Variants in MTA3 observed in about 807,000 individuals in gnomAD.
The protein encoded by MTA3 is metastasis associated 1 family member 3.
In MTA3, 34 loss-of-function variants were observed where a neutral mutation model predicts 83.5. That is an observed-to-expected ratio of 0.41 (90% CI 0.31 to 0.54). MTA3 has a LOEUF of 0.54. Among genes scored for constraint, MTA3 ranks in the 20% least tolerant of loss-of-function variants. The pLI is 0.33. For synonymous variants in MTA3, 303 were observed against 252.7 expected (o/e 1.20, Z -1.89); for missense variants, 761 against 726.4 (o/e 1.05, Z -0.55).
chr2:42,508,557 T>A (rs930225312), intron 2 of MTA3, among the ~76,000 whole-genome samples: 5 of 151,706 alleles, frequency 3.3e-5, no homozygotes, highest in African/African-American at 1.2e-4. Flanking sequence ...GGTCTCAAAC[T>A]CTTGGCCTCA....
At chr2:42,691,844 T>A (rs1692929102) in intron 9 of MTA3, among the ~76,000 whole-genome samples, 1 of 152,218 alleles carries the variant, frequency 6.6e-6, no homozygotes, top group South Asian at 2.1e-4. Context: ...CGTGCCACTC[T>A]CTCCTGGCCT....
intron 15 of MTA3, among the ~76,000 whole-genome samples, chr2:42,722,306 T>C (rs906398563): frequency 6.6e-6 from 1 of 152,220 alleles, no homozygotes; most frequent in Non-Finnish European, 1.5e-5. Context: ...TTTTGTGATA[T>C]ATCCTTGGAT....
chr2:42,605,690 T>C (rs1186133657), intron 3 of MTA3, among the ~76,000 whole-genome samples: 109 of 98,710 alleles, frequency 1.1e-3, no homozygotes, highest in East Asian at 3.2e-3. Context: ...CCCTCCCGGA[T>C]GGGGCGGCTG....
intron 3 of MTA3, among the ~76,000 whole-genome samples, chr2:42,609,227 C>T (rs1345647626): frequency 4.8e-4 from 73 of 151,894 alleles, no homozygotes; most frequent in Admixed American, 4.5e-3. Flanking sequence ...GATGGGGTTT[C>T]GCCATGTTGG....
chr2:42,524,526 A>C (rs532965364), intron 2 of MTA3, among the ~76,000 whole-genome samples: 8 of 124,688 alleles, frequency 6.4e-5, no homozygotes, highest in African/African-American at 2.2e-4. Flanking sequence ...GGGTTTCACC[A>C]TGTTAGCCAG....
intron 2 of MTA3, among the ~76,000 whole-genome samples, chr2:42,529,984 G>A (rs1675881476): frequency 6.6e-6 from 1 of 151,840 alleles, no homozygotes; most frequent in South Asian, 2.1e-4. Context: ...TCAGGAGTTC[G>A]AGACCAGCCT....
At chr2:42,689,402 C>T (rs1414699051) in intron 9 of MTA3, among the ~76,000 whole-genome samples, 2 of 152,136 alleles carry the variant, frequency 1.3e-5, no homozygotes, top group African/African-American at 4.8e-5. Context: ...TTATTTCAGG[C>T]TAATGATGGC....
chr2:42,680,400 A>C (rs544892120), intron 8 of MTA3: 1 of 152,206 alleles, frequency 6.6e-6, no homozygotes, highest in Non-Finnish European at 1.5e-5. Flanking sequence ...AATTTTTAAG[A>C]GTTCTATTGT....
intron 8 of MTA3, among the ~76,000 whole-genome samples, chr2:42,662,930 C>T (rs1322968316): frequency 6.6e-6 from 1 of 152,054 alleles, no homozygotes; most frequent in African/African-American, 2.4e-5. Context: ...CGGGTTTCAC[C>T]GTGTTGGTCA....
chr2:42,708,771 T>A, intron 13 of MTA3, 103 bp from the exon 14 acceptor site: 1 of 1,209,576 alleles, frequency 8.3e-7, no homozygotes, highest in Non-Finnish European at 1.2e-6. Context: ...AGATGCTTCA[T>A]GAAAGATTTA....
intron 3 of MTA3, among the ~76,000 whole-genome samples, chr2:42,591,222 A>C (rs1324139280): frequency 6.6e-6 from 1 of 152,320 alleles, no homozygotes; most frequent in East Asian, 1.9e-4. Flanking sequence ...GTGTTACCCA[A>C]TTTTGGGTAT....
At chr2:42,525,793 G>C (rs774887270) in intron 2 of MTA3, among the ~76,000 whole-genome samples, 1 of 151,686 alleles carries the variant, frequency 6.6e-6, no homozygotes, top group Non-Finnish European at 1.5e-5. Flanking sequence ...AAGAAGCTGG[G>C]ACCACAGGTG....
chr2:42,675,796 T>C (rs1465437654), intron 8 of MTA3, among the ~76,000 whole-genome samples: 1 of 152,244 alleles, frequency 6.6e-6, no homozygotes, highest in African/African-American at 2.4e-5. Context: ...CTGGATTTTG[T>C]CTCTTCTGTT....
chr2:42,517,218 C>G (rs1025948708), intron 2 of MTA3, among the ~76,000 whole-genome samples: 2 of 151,800 alleles, frequency 1.3e-5, no homozygotes, highest in African/African-American at 4.8e-5. Flanking sequence ...CGACATCATG[C>G]CACTGCACTC....
intron 2 of MTA3, among the ~76,000 whole-genome samples, chr2:42,512,520 C>G (rs1038427629): frequency 2.6e-5 from 4 of 152,168 alleles, no homozygotes; most frequent in Admixed American, 2.6e-4. Context: ...AAACAAAAAT[C>G]TTTATAGCAA....
chr2:42,705,394 G>A (rs1258196596), intron 12 of MTA3, among the ~76,000 whole-genome samples: 3 of 152,172 alleles, frequency 2.0e-5, no homozygotes, highest in South Asian at 4.1e-4. Context: ...AAGTGGTAGT[G>A]GCTTAACCTG....
chr2:42,606,914 C>G (rs1683505092), intron 3 of MTA3, among the ~76,000 whole-genome samples: 3 of 148,620 alleles, frequency 2.0e-5, no homozygotes, highest in African/African-American at 7.5e-5. Flanking sequence ...CCCGTCTCCA[C>G]CAAAACCAGT....
chr2:42,592,799 G>A (rs1172079572), intron 3 of MTA3, among the ~76,000 whole-genome samples: 1 of 152,086 alleles, frequency 6.6e-6, no homozygotes, highest in Non-Finnish European at 1.5e-5. Flanking sequence ...CGAAGGACCT[G>A]TCTGGGGCTG....
At chr2:42,660,051 G>T (rs1689530494) in intron 8 of MTA3, among the ~76,000 whole-genome samples, 189 bp downstream of exon 8, 1 of 151,046 alleles carries the variant, frequency 6.6e-6, no homozygotes, top group African/African-American at 2.4e-5. Context: ...AGAGTTTTTT[G>T]TGTCTGTTCA....
Sources: allele counts gnomAD v4.1 joint callset (sites outside exome capture counted in the v4.1 genomes callset), GRCh38; gene constraint gnomAD v4.1.1; transcripts MANE v1.5; gene names NCBI Gene and HGNC (gene_info 2026-07-23, HGNC 2026-07-21).